Variants in PKD1L3 observed in about 807,000 individuals in gnomAD.
PKD1L3 encodes the protein polycystin-1-like protein 3.
A neutral mutation model predicts 184.1 loss-of-function variants in PKD1L3; 239 were observed. That is an observed-to-expected ratio of 1.30 (90% CI 1.17 to 1.45). The LOEUF is 1.45. PKD1L3 is among the 40% of genes most tolerant of loss of function. PKD1L3 has a pLI of 0.00. For missense variants in PKD1L3, 2,660 were observed against 2,067.2 expected (o/e 1.29, Z -5.56); for synonymous variants, 996 against 778.8 (o/e 1.28, Z -4.64).
chr16:71,960,624 C>T (rs558270897), intron 16 of PKD1L3, among the ~76,000 whole-genome samples: 55 of 152,036 alleles, frequency 3.6e-4, no homozygotes, highest in African/African-American at 9.6e-4. Context: ...TATGTCTATA[C>T]GGTAAAAACT....
chr16:71,973,274 A>C (rs1230775721), intron 12 of PKD1L3, 50 bp downstream of exon 12: 2 of 1,525,846 alleles, frequency 1.3e-6, no homozygotes, highest in African/African-American at 2.8e-5. Context: ...CATTGGGCTT[A>C]ACAGTAGCTA....
At chr16:71,985,206 C>G (rs2040310032) in intron 5 of PKD1L3, among the ~76,000 whole-genome samples, 1 of 150,524 alleles carries the variant, frequency 6.6e-6, no homozygotes. Context: ...AAAACAAAAA[C>G]AAAAACAAAA....
intron 5 of PKD1L3, among the ~76,000 whole-genome samples, chr16:71,985,300 G>A (rs2143789336): frequency 1.3e-5 from 2 of 152,242 alleles, no homozygotes; most frequent in Non-Finnish European, 2.9e-5. Context: ...GATCCAGAGT[G>A]AACAGGATTG....
Position 71,963,352 on chromosome 16 carries a change from C to G in PKD1L3, c.2466-1G>C, listed in dbSNP as rs1308426550. Reference sequence around the variant, plus strand: ...ACAGACAATTACCTGGCTGACATACCTATAGTAAAATGAAGATAACCACAT... The same window carrying G: ...ACAGACAATTACCTGGCTGACATACGTATAGTAAAATGAAGATAACCACAT... On this transcript the variant is annotated splice_acceptor_variant, in intron 15 of 29. Transcript: ENST00000620267. LOFTEE classifies it high-confidence loss of function. 6.5e-7 allele frequency: 1 copy of G among 1,545,494 alleles called. No homozygotes were observed. Among genetic ancestry groups the G allele is most frequent in the Non-Finnish European group, 8.7e-7 (1 of 1,143,934 alleles).
At chr16:71,998,237 T>A (rs748579879) in intron 2 of PKD1L3, 35 bp downstream of exon 2, 34 of 1,550,554 alleles carry the variant, frequency 2.2e-5, no homozygotes, top group Middle Eastern at 1.7e-4. Flanking sequence ...TTTCTAAAAT[T>A]TGGGTCTTTG....
Position 71,973,474 on chromosome 16 carries a change from G to A in PKD1L3, c.1803C>T (p.His601=), listed in dbSNP as rs537040106. 7.7e-5 allele frequency: 120 copies of A among 1,551,808 alleles called. No homozygotes were observed. Among genetic ancestry groups the A allele is most frequent in the Middle Eastern group, 5.0e-4 (3 of 5,996 alleles). ...CTGTTATATAGTAGGTGCCAATCCC[G>A]TGCTGCAGATGCTCTGGATTCAGCA... ...TWVLNPEHLQ[H]GIGTYYITAV... Residue 601 remains histidine (H), a synonymous_variant, in exon 12 of 30, where the codon CAC becomes CAT. Transcript: ENST00000620267.
chr16:71,991,089 G>T (rs2040571991), intron 3 of PKD1L3: 1 of 155,744 alleles, frequency 6.4e-6, no homozygotes, highest in Non-Finnish European at 1.4e-5. Flanking sequence ...GACAGTGATT[G>T]ATACAGGGAC....
At chr16:71,950,986 G>A (rs990886723) in intron 19 of PKD1L3, among the ~76,000 whole-genome samples, 2 of 151,444 alleles carry the variant, frequency 1.3e-5, no homozygotes, top group Non-Finnish European at 1.5e-5. Flanking sequence ...CAGGTGATCT[G>A]CATGCCTTGG....
chr16:71,964,591 G>A (rs1321228061), intron 15 of PKD1L3, among the ~76,000 whole-genome samples: 2 of 151,558 alleles, frequency 1.3e-5, no homozygotes, highest in Non-Finnish European at 2.9e-5. Context: ...TGCCCGCCCT[G>A]GCCTCCCAAA....
intron 9 of PKD1L3, 92 bp from the exon 10 acceptor site, chr16:71,978,475 A>ATATATGTGTGTG: frequency 2.6e-6 from 1 of 385,430 alleles, no homozygotes; most frequent in Admixed American, 4.4e-5. Flanking sequence ...ATATGTATAT[A>ATATATGTGTGTG]TGTGTGTGTG....
rs2040290920 is a variant in PKD1L3 at position 71,984,699 on chromosome 16, A to G, written c.835-532T>C. 2.0e-5 allele frequency among the ~76,000 whole-genome samples: 3 copies of G among 152,278 alleles called. 1 individual carries two copies. The South Asian group carries it at 6.2e-4, about 32-fold the overall frequency. On this transcript the variant is annotated intron_variant, in intron 5 of 29. Coordinates refer to ENST00000620267, the MANE Select transcript of PKD1L3 (RefSeq NM_181536.2). Reference sequence around the variant, plus strand: ...CATAGCAAAACCCTGTCTCTACTAAAAATACAAAAATTAACCAGGCTTGGT... The same window carrying G: ...CATAGCAAAACCCTGTCTCTACTAAGAATACAAAAATTAACCAGGCTTGGT...
chr16:71,963,416 G>A lies in PKD1L3; in HGVS notation c.2466-65C>T, dbSNP rs141962394. The A allele has an allele frequency of 3.9e-5, 55 of 1,413,978 alleles. No homozygotes were observed. In the East Asian group the frequency reaches 9.5e-4, roughly 24 times the overall value. 87.6% of individuals were successfully genotyped at this position (1,413,978 alleles called of 1,614,324 possible). ...TTGAATCAGTTGTCTGTAGTAAGAC[G>A]TAATCTCAGACCATTAGTAAACTGT... On this transcript the variant is annotated intron_variant, in intron 15 of 29. Transcript: ENST00000620267.
At chr16:71,970,792 A>G (rs1274169920) in intron 12 of PKD1L3, among the ~76,000 whole-genome samples, 2 of 152,218 alleles carry the variant, frequency 1.3e-5, no homozygotes, top group African/African-American at 2.4e-5. Context: ...TGGGTGACAG[A>G]GCAAGACTCT....
rs2038061170 is a variant in PKD1L3 at position 71,933,424 on chromosome 16, T to G, written c.4922A>C (p.Glu1641Ala). Reference protein sequence around the residue: ...VGLLMGISHQEEVFALDPVLG... With the variant: ...VGLLMGISHQAEVFALDPVLG... ...GAAACAAATTATTATTTTTACCTCC[T>G]CTTGGTGAGAAATTCCCATCAGGAG... Residue 1641 changes from glutamate (E) to alanine (A), a missense_variant, in exon 28 of 30, where the codon GAG (glutamate) becomes GCG (alanine). By Grantham distance (107) the Glu-to-Ala change is moderately radical. Transcript: ENST00000620267. 25 of 1,540,664 alleles carry G rather than the reference T, an allele frequency of 1.6e-5. No individual in the cohort carries two copies. Among genetic ancestry groups the G allele is most frequent in the Non-Finnish European group, 2.1e-5 (24 of 1,136,966 alleles).
chr16:71,955,747 T>C (rs1225608053), intron 16 of PKD1L3, among the ~76,000 whole-genome samples: 4 of 152,020 alleles, frequency 2.6e-5, no homozygotes, highest in Non-Finnish European at 5.9e-5. Flanking sequence ...AATCATGGGG[T>C]CAGTTTCCCC....
At chr16:71,970,238 A>C in intron 12 of PKD1L3, 133 bp from the exon 13 acceptor site, 1 of 696,648 alleles carries the variant, frequency 1.4e-6, no homozygotes, top group East Asian at 2.7e-5. Context: ...TGATGGCGTA[A>C]ATTGGTATAA....
chr16:71,939,897 G>A (rs1351940392), intron 24 of PKD1L3, among the ~76,000 whole-genome samples: 1 of 152,098 alleles, frequency 6.6e-6, no homozygotes, highest in African/African-American at 2.4e-5. Flanking sequence ...ATGAAGAAAA[G>A]GAGGGCAGAT....
intron 22 of PKD1L3, among the ~76,000 whole-genome samples, chr16:71,946,122 C>G (rs765545335): frequency 5.9e-5 from 9 of 152,122 alleles, no homozygotes; most frequent in Non-Finnish European, 1.2e-4. Context: ...CCACACCCAG[C>G]TAATTTTGTA....
rs1211786551 is a variant in PKD1L3, at chr16:71,949,976, T to C, written c.3425A>G (p.Lys1142Arg). 1.3e-6 allele frequency: 2 copies of C among 1,551,566 alleles called. No homozygotes were observed. Among genetic ancestry groups the C allele is most frequent in the East Asian group, 2.4e-5 (1 of 40,922 alleles). The change falls in exon 21 of 30, where the codon AAA becomes AGA. Residue 1142 changes from lysine to arginine, a missense_variant. Lys to Arg is a conservative substitution (Grantham distance 26). Coordinates refer to ENST00000620267, the MANE Select transcript of PKD1L3 (RefSeq NM_181536.2). ...SFAILSSEEG[K>R]KPISNGLSKW... ...GGACAGGCCATTTGAGATGGGCTTT[T>C]TTCCTTCTTCTGAGCTCAGGATGGC...
Sources: gnomAD v4.1 joint callset for allele counts (sites outside exome capture counted in the v4.1 genomes callset) on GRCh38, gnomAD v4.1.1 for gene constraint, MANE v1.5 for transcripts, NCBI Gene and HGNC (gene_info 2026-07-23, HGNC 2026-07-21) for gene names.